FSD2: variants seen among roughly 807,000 people sequenced by gnomAD.
FSD2 encodes fibronectin type III and SPRY domain containing 2.
In FSD2, 71 loss-of-function variants were observed where a neutral mutation model predicts 80.4. The observed-to-expected ratio is 0.88, with a 90% confidence interval of 0.73 to 1.08. The LOEUF (loss-of-function observed/expected upper bound fraction) is 1.08, where lower values mean the gene tolerates loss of function less well. FSD2 is among the 50% of genes least tolerant of loss of function. FSD2 has a pLI of 0.00. For missense variants in FSD2, 923 were observed against 913.8 expected (o/e 1.01, Z -0.13); for synonymous variants, 361 against 329.5 (o/e 1.10, Z -1.03).
At chr15:82,786,479 G>A in intron 3 of FSD2, 32 bp downstream of exon 3, 1 of 1,481,316 alleles carries the variant, frequency 6.8e-7, no homozygotes, top group Middle Eastern at 1.7e-4. Flanking sequence ...GAAGAAATGT[G>A]AGTCTGATGA....
intron 3 of FSD2, among the ~76,000 whole-genome samples, chr15:82,783,579 C>T (rs2049923804): frequency 6.6e-6 from 1 of 152,216 alleles, no homozygotes; most frequent in Non-Finnish European, 1.5e-5. Flanking sequence ...CTCCTGGCAG[C>T]ATTTTGCAAT....
At chr15:82,770,784 C>T (rs1329733829) in intron 7 of FSD2, among the ~76,000 whole-genome samples, 1 of 152,114 alleles carries the variant, frequency 6.6e-6, no homozygotes, top group Non-Finnish European at 1.5e-5. Context: ...CTCCAGACTT[C>T]CCCAGAATCT....
At chr15:82,784,082 C>T (rs2049938235) in intron 3 of FSD2, among the ~76,000 whole-genome samples, 1 of 152,002 alleles carries the variant, frequency 6.6e-6, no homozygotes, top group Non-Finnish European at 1.5e-5. Context: ...TTACTGAACA[C>T]CTGCTATGTG....
At position 82,784,291 on chromosome 15, in the gene FSD2, T is replaced by C. The variant is rs1219510097; in HGVS notation, c.736-1266A>G. On this transcript the variant is annotated intron_variant, in intron 3 of 12. Transcript: ENST00000334574. ...ATGGAGCCTCATTTTGCCACCCAGG[T>C]TGGAGTGCAGTGGAGCGATCTCAGC... Among the ~76,000 whole-genome samples the C allele has an allele frequency of 2.0e-5, 3 of 151,850 alleles. No homozygotes were observed. The East Asian group carries it at 5.8e-4, about 29-fold the overall frequency.
chr15:82,766,416 G>A (rs893972916), intron 9 of FSD2, among the ~76,000 whole-genome samples: 8 of 152,072 alleles, frequency 5.3e-5, no homozygotes, highest in Admixed American at 3.9e-4. Flanking sequence ...GCTGAGTACC[G>A]CTATTCTTAG....
intron 1 of FSD2, among the ~76,000 whole-genome samples, chr15:82,799,824 G>A (rs1021684776): frequency 2.6e-5 from 4 of 152,162 alleles, no homozygotes; most frequent in African/African-American, 9.7e-5. Context: ...CTGGAAAACT[G>A]CATTTCTAAA....
intron 11 of FSD2, among the ~76,000 whole-genome samples, chr15:82,763,039 C>G (rs917622567): frequency 2.6e-5 from 4 of 152,208 alleles, no homozygotes; most frequent in Non-Finnish European, 4.4e-5. Flanking sequence ...TCTTACTGCT[C>G]AAGCAAAGCT....
chr15:82,774,918 C>T (rs1567306056), intron 6 of FSD2, among the ~76,000 whole-genome samples: 2 of 149,664 alleles, frequency 1.3e-5, no homozygotes, highest in South Asian at 4.5e-4. Context: ...GACGGGGTTT[C>T]ACCATGTCGG....
At position 82,769,011 on chromosome 15, in the gene FSD2, A is replaced by C. The variant is rs756704787; in HGVS notation, c.1422T>G (p.Ile474Met). ...CACAGCTCCTTATCTCTTTGGTTTT[A>C]ATAATGGGGGGAGAAGGTGCTAAAT... ...VYMTAPSPPI[I>M]KTKEIRSCEE... The change falls in exon 9 of 13, where the codon ATT becomes ATG. Residue 474 changes from isoleucine to methionine, a missense_variant. Physicochemically the swap from Ile to Met is conservative, Grantham distance 10 (BLOSUM62 1). Coordinates refer to ENST00000334574, the MANE Select transcript of FSD2 (RefSeq NM_001007122.4). 15 of 1,589,762 alleles carry C rather than the reference A, an allele frequency of 9.4e-6. No individual in the cohort carries two copies. The highest frequency in any genetic ancestry group is 1.3e-5 in the Non-Finnish European group (15 of 1,170,146).
intron 4 of FSD2, among the ~76,000 whole-genome samples, chr15:82,780,694 G>A (rs1316769089): frequency 6.6e-6 from 1 of 151,474 alleles, no homozygotes; most frequent in East Asian, 1.9e-4. Flanking sequence ...AACTATATAT[G>A]TGATAATACA....
At chr15:82,772,310 C>G (rs2049601821) in intron 6 of FSD2, 82 bp from the exon 7 acceptor site, 1 of 1,364,600 alleles carries the variant, frequency 7.3e-7, no homozygotes, top group Non-Finnish European at 1.0e-6. Context: ...GACCATTGAT[C>G]CCCCCAATGA....
intron 1 of FSD2, among the ~76,000 whole-genome samples, chr15:82,794,788 G>A (rs1295894330): frequency 1.5e-4 from 23 of 150,184 alleles, no homozygotes; most frequent in African/African-American, 5.4e-4. Flanking sequence ...TCAGCGGCGC[G>A]ATCTCGGCTT....
intron 4 of FSD2, among the ~76,000 whole-genome samples, chr15:82,781,276 T>C (rs2049848779): frequency 1.3e-5 from 2 of 152,232 alleles, no homozygotes; most frequent in African/African-American, 4.8e-5. Flanking sequence ...CTCCATGTTC[T>C]GCATATGGTG....
Position 82,778,307 on chromosome 15 carries a change from A to G in FSD2, c.1111+459T>C, listed in dbSNP as rs1047598822. Among the ~76,000 whole-genome samples the G allele has an allele frequency of 3.3e-5, 5 of 151,950 alleles. No individual in the cohort carries two copies. In the South Asian group the frequency reaches 6.2e-4, roughly 19 times the overall value. ...AACCTCAATGTCCATCAATAGATGG[A>G]TGGATTTTAAAAAGTATGTGTGTGT... On this transcript the variant is annotated intron_variant, in intron 6 of 12. Transcript: ENST00000334574.
Position 82,787,618 on chromosome 15 carries a change from G to T in FSD2, c.-78-150C>A, listed in dbSNP as rs572141588. 6.4e-3 allele frequency: 2,503 copies of T among 392,700 alleles called. 46 individuals are homozygous for T. The highest frequency in any genetic ancestry group is 0.048 in the African/African-American group (2,309 of 48,446). The allele number at this position is 392,700 out of a possible 1,614,324, so 24.3% of individuals were successfully genotyped here. On this transcript the variant is annotated intron_variant, in intron 1 of 12. Coordinates refer to ENST00000334574, the MANE Select transcript of FSD2 (RefSeq NM_001007122.4). ...ACTTTGAACCATCTTTAAAAAATTT[G>T]TTTTCTATGGGAGGATGGGCTTTCT...
At chr15:82,777,067 C>G (rs1017260202) in intron 6 of FSD2, among the ~76,000 whole-genome samples, 1 of 152,120 alleles carries the variant, frequency 6.6e-6, no homozygotes, top group South Asian at 2.1e-4. Flanking sequence ...CAAAAGTAAA[C>G]TCAAAATAGA....
Position 82,791,929 on chromosome 15 carries a change from G to T in FSD2, c.-78-4461C>A, listed in dbSNP as rs148481674. ...TATCAGTATTTCATTCCCTTTTTAG[G>T]ACCAGAAAAGTATTCCGTTGTATGG... is the stretch of plus-strand genomic sequence containing the variant. On this transcript the variant is annotated intron_variant, in intron 1 of 12. Coordinates refer to ENST00000334574, the MANE Select transcript of FSD2 (RefSeq NM_001007122.4). Among the ~76,000 whole-genome samples, 34 of 152,226 alleles carry T rather than the reference G, an allele frequency of 2.2e-4. No homozygotes were observed. The East Asian group carries it at 6.2e-3, about 28-fold the overall frequency.
intron 1 of FSD2, among the ~76,000 whole-genome samples, chr15:82,791,148 G>A (rs1242070978): frequency 4.0e-5 from 6 of 150,944 alleles, no homozygotes; most frequent in Non-Finnish European, 7.4e-5. Flanking sequence ...ACAGGCGCCC[G>A]CCACCATGCC....
intron 1 of FSD2, among the ~76,000 whole-genome samples, chr15:82,788,240 A>C (rs888898966): frequency 6.6e-6 from 1 of 151,868 alleles, no homozygotes; most frequent in African/African-American, 2.4e-5. Flanking sequence ...TCATGCCCAT[A>C]ATCCCAGTAC....
Sources: allele counts gnomAD v4.1 joint callset (sites outside exome capture counted in the v4.1 genomes callset), GRCh38; gene constraint gnomAD v4.1.1; transcripts MANE v1.5; gene names NCBI Gene and HGNC (gene_info 2026-07-23, HGNC 2026-07-21).